Variants in GDE1 observed in about 807,000 individuals in gnomAD.
The protein encoded by GDE1 is RGS16-interacting membrane protein.
A neutral mutation model predicts 32.2 loss-of-function variants in GDE1; 24 were observed. The ratio of observed to expected loss-of-function variants is 0.75; its 90% confidence interval spans 0.54 to 1.05. The LOEUF is 1.05. Among genes scored for constraint, GDE1 ranks in the 50% least tolerant of loss-of-function variants. The pLI, the probability that GDE1 is intolerant of heterozygous loss-of-function variation, is 0.00. For synonymous variants in GDE1, 159 were observed against 158.6 expected (o/e 1.00, Z -0.02); for missense variants, 380 against 415.0 (o/e 0.92, Z 0.73).
rs117897540 is a variant in GDE1, at chr16:19,514,683, A to G, written c.437+2331T>C. Among the ~76,000 whole-genome samples, 524 of 152,310 alleles carry G rather than the reference A, an allele frequency of 3.4e-3. 8 individuals carry two copies. In the East Asian group the frequency reaches 0.041, roughly 12 times the overall value. On this transcript the variant is annotated intron_variant, in intron 2 of 5. Coordinates refer to ENST00000353258, the MANE Select transcript of GDE1 (RefSeq NM_016641.4). ...AAAACTAAGTGCTTGATACAAAAGA[A>G]ATTAGCTTTTCTCTCATAATAAAAT...
Position 19,503,180 on chromosome 16 carries a change from C to A in GDE1, c.*290G>T. 4.9e-6 allele frequency: 2 copies of A among 410,718 alleles called. No individual in the cohort carries two copies. Among genetic ancestry groups the A allele is most frequent in the Non-Finnish European group, 8.9e-6 (2 of 223,496 alleles). The allele number at this position is 410,718 out of a possible 1,614,324, so 25.4% of individuals were successfully genotyped here. ...TGCAAACTGTACAATTCAATCTGTG[C>A]TTATCCTCACTGGGTCTCCCTGTGT... On this transcript the variant is annotated 3_prime_UTR_variant, in exon 6 of 6. Coordinates refer to ENST00000353258, the MANE Select transcript of GDE1 (RefSeq NM_016641.4).
chr16:19,515,375 G>C (rs1305016982), intron 2 of GDE1, among the ~76,000 whole-genome samples: 6 of 152,166 alleles, frequency 3.9e-5, no homozygotes, highest in Non-Finnish European at 5.9e-5. Context: ...TTGTGTTAAA[G>C]ACACTGAGAT....
rs1451779803 is a variant in GDE1 at position 19,504,921 on chromosome 16, C to T, written c.808G>A (p.Gly270Arg). Reference protein sequence around the residue: ...SMHNILWYLCGISAFLMQKDF... With the variant: ...SMHNILWYLCRISAFLMQKDF... ...TTTTGCATGAGGAAAGCTGAAATTCCACACAGGTACCACAAGATATTATGC... is the reference window on the plus strand; with the variant it reads ...TTTTGCATGAGGAAAGCTGAAATTCTACACAGGTACCACAAGATATTATGC... The change falls in exon 5 of 6, where the codon GGA (glycine) becomes AGA (arginine). Residue 270 changes from glycine (G) to arginine (R), a missense_variant. By Grantham distance (125) the Gly-to-Arg change is moderately radical (BLOSUM62 -2). Coordinates refer to ENST00000353258, the MANE Select transcript of GDE1 (RefSeq NM_016641.4). The T allele has an allele frequency of 1.2e-6, 2 of 1,613,108 alleles. No individual in the cohort carries two copies. Among genetic ancestry groups the T allele is most frequent in the East Asian group, 2.2e-5 (1 of 44,882 alleles).
At chr16:19,506,167 G>A (rs982902180) in intron 4 of GDE1, among the ~76,000 whole-genome samples, 78 of 145,978 alleles carry the variant, frequency 5.3e-4, no homozygotes, top group African/African-American at 1.8e-3. Context: ...TCCAGCTCTC[G>A]CTACCAGTTT....
Position 19,503,239 on chromosome 16 carries a change from G to GT in GDE1, c.*230dup, listed in dbSNP as rs1232389537. 1.7e-5 allele frequency: 9 copies of GT among 518,610 alleles called. No individual in the cohort carries two copies. The highest frequency in any genetic ancestry group is 9.7e-5 in the Admixed American group (3 of 30,858). The allele number at this position is 518,610 out of a possible 1,614,324, so 32.1% of individuals were successfully genotyped here. A position where few individuals can be genotyped will look rare whatever the true frequency, so the allele number is the denominator to read the frequency against. ...TAGGGCAGGGCAGGGGCTCTTGTGC[G>GT]TTTTTTCAGACCCAGATTTTCAAGA... On this transcript the variant is annotated 3_prime_UTR_variant, in exon 6 of 6. Coordinates refer to ENST00000353258, the MANE Select transcript of GDE1 (RefSeq NM_016641.4).
At chr16:19,514,587 G>A (rs1298334555) in intron 2 of GDE1, among the ~76,000 whole-genome samples, 1 of 152,118 alleles carries the variant, frequency 6.6e-6, no homozygotes, top group African/African-American at 2.4e-5. Flanking sequence ...TAACTGTATT[G>A]TGTATTTATT....
chr16:19,504,881 G>A lies in GDE1; in HGVS notation c.848C>T (p.Pro283Leu), dbSNP rs200327001. The A allele has an allele frequency of 1.3e-5, 20 of 1,593,620 alleles. No individual in the cohort carries two copies. Among genetic ancestry groups the A allele is most frequent in the African/African-American group, 8.1e-5 (6 of 74,470 alleles). Residue 283 changes from proline to leucine, a missense_variant and splice_region_variant, in exon 5 of 6, where the codon CCG becomes CTG. Transcript: ENST00000353258. ...TAAAATAAAAAACCTTCCAACTTAC[G>A]GGGATACAAAATCCTTTTGCATGAG... ...AFLMQKDFVS[P>L]AYLKKWSAKG...
Position 19,503,621 on chromosome 16 carries a change from G to C in GDE1, c.849-4C>G. The C allele has an allele frequency of 1.2e-6, 2 of 1,612,572 alleles. No homozygotes were observed. Among genetic ancestry groups the C allele is most frequent in the South Asian group, 2.2e-5 (2 of 91,012 alleles). ...TGACCACTTCTTCAAGTAGGCCCTG[G>C]GGAAAGAGGAAAGCCAATCCTGTTA... On this transcript the variant is annotated splice_region_variant and splice_polypyrimidine_tract_variant and intron_variant, in intron 5 of 5. Coordinates refer to ENST00000353258, the MANE Select transcript of GDE1 (RefSeq NM_016641.4).
chr16:19,521,814 G>A lies in GDE1; in HGVS notation c.151C>T (p.Pro51Ser). 1 of 1,611,352 alleles carries A rather than the reference G, an allele frequency of 6.2e-7. No homozygotes were observed. The highest frequency in any genetic ancestry group is 1.1e-5 in the South Asian group (1 of 90,558). Residue 51 changes from proline (P) to serine (S), a missense_variant, in exon 1 of 6, where the codon CCC (proline) becomes TCC (serine). Transcript: ENST00000353258. ...LLRVFSFEPV[P>S]SCRALQVLKP... The stretch of plus-strand genomic sequence containing the variant: ...AGCACCTGCAGGGCCCTGCAAGAGG[G>A]CACCGGCTCAAAGCTGAAGACGCGC...
At position 19,502,877 on chromosome 16, in the gene GDE1, A is replaced by C. The variant is rs1045850684; in HGVS notation, c.*593T>G. The stretch of plus-strand genomic sequence containing the variant: ...CTATTCAAGATGCTATAAATCCCTC[A>C]TTGGCTTCAAGACCTCCCTACCATT... On this transcript the variant is annotated 3_prime_UTR_variant, in exon 6 of 6. Coordinates refer to ENST00000353258, the MANE Select transcript of GDE1 (RefSeq NM_016641.4). 1 of 152,278 alleles carries C rather than the reference A, an allele frequency of 6.6e-6. No individual in the cohort carries two copies. The highest frequency in any genetic ancestry group is 2.4e-5 in the African/African-American group (1 of 41,454). 9.4% of individuals were successfully genotyped at this position (152,278 alleles called of 1,614,324 possible). A position where few individuals can be genotyped will look rare whatever the true frequency, so the allele number is the denominator to read the frequency against.
At chr16:19,507,575 T>G in intron 4 of GDE1, 112 bp downstream of exon 4, 1 of 681,416 alleles carries the variant, frequency 1.5e-6, no homozygotes, top group Non-Finnish European at 2.7e-6. Context: ...GCTTCTCAAC[T>G]GTGACCCTGA....
rs764988589 is a variant in GDE1 at position 19,521,828 on chromosome 16, C to G, written c.137G>C (p.Ser46Thr). The change falls in exon 1 of 6, where the codon AGC becomes ACC. Residue 46 changes from serine to threonine, a missense_variant. Coordinates refer to ENST00000353258, the MANE Select transcript of GDE1 (RefSeq NM_016641.4). The stretch of plus-strand genomic sequence containing the variant: ...CCTGCAAGAGGGCACCGGCTCAAAG[C>G]TGAAGACGCGCAGTAGAACGAAGAG... Reference protein sequence around the residue: ...GSLFVLLRVFSFEPVPSCRAL... With the variant: ...GSLFVLLRVFTFEPVPSCRAL... 1 of 1,610,912 alleles carries G rather than the reference C, an allele frequency of 6.2e-7. No homozygotes were observed. The highest frequency in any genetic ancestry group is 1.7e-5 in the Admixed American group (1 of 59,648).
chr16:19,507,011 C>T (rs1969256179), intron 4 of GDE1, among the ~76,000 whole-genome samples: 1 of 151,184 alleles, frequency 6.6e-6, no homozygotes, highest in East Asian at 2.0e-4. Flanking sequence ...TGGTGACGTG[C>T]GCCTGTGGTC....
At chr16:19,508,114 GA>G (rs1392981225) in intron 3 of GDE1, among the ~76,000 whole-genome samples, 1 of 152,134 alleles carries the variant, frequency 6.6e-6, no homozygotes, top group African/African-American at 2.4e-5. Flanking sequence ...TAGCCACTAT[GA>G]AAAGTCCTTT....
At position 19,517,042 on chromosome 16, in the gene GDE1, G is replaced by A. The variant is rs201309903; in HGVS notation, c.409C>T (p.Leu137=). Residue 137 remains leucine, a synonymous_variant, in exon 2 of 6, where the codon CTG becomes TTG. Coordinates refer to ENST00000353258, the MANE Select transcript of GDE1 (RefSeq NM_016641.4). The part of the protein sequence containing the change: ...CDLTFEQIRK[L]NPAANHRLRN... ...AGTCTGTGGTTTGCTGCAGGATTCA[G>A]CTTCCTAATTTGTTCAAATGTCAAA... 223 of 1,614,004 alleles carry A rather than the reference G, an allele frequency of 1.4e-4. No individual in the cohort carries two copies. Among genetic ancestry groups the A allele is most frequent in the Non-Finnish European group, 1.8e-4 (214 of 1,179,996 alleles).
At chr16:19,516,171 C>T (rs987349032) in intron 2 of GDE1, among the ~76,000 whole-genome samples, 6 of 152,172 alleles carry the variant, frequency 3.9e-5, no homozygotes, top group Admixed American at 1.3e-4. Context: ...GCTACGTTTA[C>T]ACTCTACCAG....
intron 4 of GDE1, 71 bp from the exon 5 acceptor site, chr16:19,505,163 C>A (rs1190784229): frequency 1.4e-5 from 15 of 1,054,642 alleles, no homozygotes; most frequent in Non-Finnish European, 2.2e-5. Context: ...TTAGATTTAG[C>A]CAATGTGCTC....
intron 3 of GDE1, among the ~76,000 whole-genome samples, chr16:19,509,859 A>G (rs4780814): frequency 0.36 from 55,212 of 151,628 alleles, 11,595 homozygotes; most frequent in East Asian, 0.56. Flanking sequence ...CAGGGGTTTC[A>G]CCATGTTGGC....
chr16:19,506,999 C>T (rs925134551), intron 4 of GDE1, among the ~76,000 whole-genome samples: 2 of 151,506 alleles, frequency 1.3e-5, no homozygotes, highest in Non-Finnish European at 2.9e-5. Flanking sequence ...ATTAGCTGGG[C>T]GTGGTGACGT....
Sources: gnomAD v4.1 joint callset for allele counts (sites outside exome capture counted in the v4.1 genomes callset) on GRCh38, gnomAD v4.1.1 for gene constraint, MANE v1.5 for transcripts, NCBI Gene and HGNC (gene_info 2026-07-23, HGNC 2026-07-21) for gene names.